ETFRF1: variants seen among roughly 807,000 people sequenced by gnomAD.
The protein encoded by ETFRF1 is LYR motif containing 5.
In ETFRF1, 12 loss-of-function variants were observed where a neutral mutation model predicts 9.0. That is an observed-to-expected ratio of 1.34 (90% CI 0.86 to 2.16). The LOEUF (loss-of-function observed/expected upper bound fraction) is 2.16. Among genes scored for constraint, ETFRF1 ranks in the 30% most tolerant of loss-of-function variants. ETFRF1 has a pLI of 0.00. For synonymous variants in ETFRF1, 34 were observed against 33.2 expected (o/e 1.02, Z -0.08); for missense variants, 98 against 101.8 (o/e 0.96, Z 0.16).
Position 25,195,355 on chromosome 12 carries a change from C to T in ETFRF1, c.-38+18C>T, listed in dbSNP as rs867729339. 2 of 592,842 alleles carry T rather than the reference C, an allele frequency of 3.4e-6. No homozygotes were observed. The highest frequency in any genetic ancestry group is 2.0e-5 in the South Asian group (1 of 50,162). 36.7% of individuals were successfully genotyped at this position (592,842 alleles called of 1,614,324 possible). A position where few individuals can be genotyped will look rare whatever the true frequency, so the allele number is the denominator to read the frequency against. ...GCCGGAAAGTGCGTGAGTGCCGCCGCCGGGGAGTTTTGTTCCATTTCCCGG... is the reference window on the plus strand; with the variant it reads ...GCCGGAAAGTGCGTGAGTGCCGCCGTCGGGGAGTTTTGTTCCATTTCCCGG... On this transcript the variant is annotated intron_variant, in intron 1 of 2. Transcript: ENST00000381356.
chr12:25,204,007 TGTAA>T lies in ETFRF1; in HGVS notation c.51+5_51+8del, dbSNP rs1258066303. ...GAGAAGTACTAAAACTTTATAAAAATGTAAGTAATTATGTTGCCAATTTTATAAA... is the reference window on the plus strand; with the variant it reads ...GAGAAGTACTAAAACTTTATAAAAATGTAATTATGTTGCCAATTTTATAAA... On this transcript the variant is annotated splice_donor_variant and splice_donor_region_variant and intron_variant, in intron 2 of 2. Coordinates refer to ENST00000381356, the MANE Select transcript of ETFRF1 (RefSeq NM_001001660.3). LOFTEE classifies it high-confidence loss of function. 1 of 1,509,184 alleles carries T rather than the reference TGTAA, an allele frequency of 6.6e-7. No individual in the cohort carries two copies. Among genetic ancestry groups the T allele is most frequent in the Non-Finnish European group, 8.9e-7 (1 of 1,129,326 alleles). 93.5% of individuals were successfully genotyped at this position (1,509,184 alleles called of 1,614,324 possible). A position where few individuals can be genotyped will look rare whatever the true frequency, so the allele number is the denominator to read the frequency against.
intron 1 of ETFRF1, chr12:25,195,868 TCA>T (rs1332450725): frequency 6.6e-6 from 1 of 152,210 alleles, no homozygotes; most frequent in Admixed American, 6.5e-5. Context: ...CTTTAGAATT[TCA>T]GTCTCCTCCC....
chr12:25,195,307 C>T lies in ETFRF1; in HGVS notation c.-68C>T, dbSNP rs1433224697. ...AGACGGACAGAGGAGTCGTAGCGGT[C>T]GAGGCTTTTGCGGCTCCGGCGTGCC... On this transcript the variant is annotated 5_prime_UTR_variant, in exon 1 of 3. Coordinates refer to ENST00000381356, the MANE Select transcript of ETFRF1 (RefSeq NM_001001660.3). 2 of 607,768 alleles carry T rather than the reference C, an allele frequency of 3.3e-6. No individual in the cohort carries two copies. Among genetic ancestry groups the T allele is most frequent in the Non-Finnish European group, 2.9e-6 (1 of 342,178 alleles). The allele number at this position is 607,768 out of a possible 1,614,324, so 37.6% of individuals were successfully genotyped here.
chr12:25,197,506 G>T (rs12814233), intron 1 of ETFRF1, among the ~76,000 whole-genome samples: 65,357 of 152,020 alleles, frequency 0.43, 14,647 homozygotes, highest in South Asian at 0.56. Flanking sequence ...AATGAATTTT[G>T]CCCAGGTTGG....
In ETFRF1 at chr12:25,204,887, C is replaced by G. The variant is rs950320491; in HGVS notation, c.*575C>G. On this transcript the variant is annotated 3_prime_UTR_variant, in exon 3 of 3. Transcript: ENST00000381356. ...CCTGCTGGTGACTGGCATTAACATA[C>G]ATAACTAACTATTCAATTATTTCCA... The G allele has an allele frequency of 1.0e-5, 2 of 199,538 alleles. No individual in the cohort carries two copies. The highest frequency in any genetic ancestry group is 4.6e-5 in the African/African-American group (2 of 43,484). 12.4% of individuals were successfully genotyped at this position (199,538 alleles called of 1,614,324 possible).
chr12:25,200,545 T>G lies in ETFRF1; in HGVS notation c.-37-3375T>G, dbSNP rs74073344. ...CATACAGAGGATCACTTACCAGGAC[T>G]GCTTTGAACTTAATAGCAATGGTAA... On this transcript the variant is annotated intron_variant, in intron 1 of 2. Coordinates refer to ENST00000381356, the MANE Select transcript of ETFRF1 (RefSeq NM_001001660.3). 3.5e-3 allele frequency among the ~76,000 whole-genome samples: 534 copies of G among 152,310 alleles called. 8 individuals carry two copies. The highest frequency in any genetic ancestry group is 0.012 in the African/African-American group (515 of 41,562).
chr12:25,200,339 A>T (rs1336287591), intron 1 of ETFRF1, among the ~76,000 whole-genome samples: 1 of 152,232 alleles, frequency 6.6e-6, no homozygotes, highest in Admixed American at 6.5e-5. Context: ...GGAAATCATG[A>T]ATGAAATCAT....
At chr12:25,197,294 A>G (rs1379593286) in intron 1 of ETFRF1, among the ~76,000 whole-genome samples, 1 of 152,250 alleles carries the variant, frequency 6.6e-6, no homozygotes, top group Non-Finnish European at 1.5e-5. Flanking sequence ...CAACAACTAA[A>G]AAGGACAACT....
chr12:25,196,892 C>T (rs1017416323), intron 1 of ETFRF1, among the ~76,000 whole-genome samples: 2 of 152,158 alleles, frequency 1.3e-5, no homozygotes, highest in Admixed American at 1.3e-4. Context: ...TGGTGGCTCA[C>T]GCCTGTAATC....
chr12:25,198,629 C>T (rs1039946036), intron 1 of ETFRF1, among the ~76,000 whole-genome samples: 6 of 152,000 alleles, frequency 3.9e-5, no homozygotes, highest in Non-Finnish European at 7.4e-5. Flanking sequence ...CAGAAAATTT[C>T]AAGAAAGCAA....
rs1254920496 is a variant in ETFRF1 at position 25,195,237 on chromosome 12, A to G, written c.-138A>G. On this transcript the variant is annotated 5_prime_UTR_variant, in exon 1 of 3. Transcript: ENST00000381356. ...TTCCGGCCGGCGCCCCGCCCCCTTT[A>G]CTGACAGGTTGCCCACCTCCCCCAA... 19 of 764,996 alleles carry G rather than the reference A, an allele frequency of 2.5e-5. No individual in the cohort carries two copies. The South Asian group carries it at 2.7e-4, about 11-fold the overall frequency. The allele number at this position is 764,996 out of a possible 1,614,324, so 47.4% of individuals were successfully genotyped here.
intron 2 of ETFRF1, 34 bp from the exon 3 acceptor site, chr12:25,204,057 A>ATTGT: frequency 1.9e-5 from 29 of 1,546,354 alleles, no homozygotes; most frequent in Non-Finnish European, 2.4e-5. Flanking sequence ...TATGACATGG[A>ATTGT]TTGTTTAGAA....
intron 1 of ETFRF1, among the ~76,000 whole-genome samples, chr12:25,196,376 G>A (rs1434995215): frequency 1.3e-5 from 2 of 152,184 alleles, no homozygotes; most frequent in African/African-American, 4.8e-5. Flanking sequence ...CTCAAGTTAG[G>A]ATTCATCGGG....
rs762640879 is a variant in ETFRF1 at position 25,203,977 on chromosome 12, A to C, written c.21A>C (p.Leu7Phe). 2 of 1,484,214 alleles carry C rather than the reference A, an allele frequency of 1.3e-6. No homozygotes were observed. Among genetic ancestry groups the C allele is most frequent in the Non-Finnish European group, 1.8e-6 (2 of 1,116,686 alleles). 91.9% of individuals were successfully genotyped at this position (1,484,214 alleles called of 1,614,324 possible). A position where few individuals can be genotyped will look rare whatever the true frequency, so the allele number is the denominator to read the frequency against. ...GATAAATGAAAATGGCCAATTCTTT[A>C]AGAGGAGAAGTACTAAAACTTTATA... MKMANSLRGEVLKLYKN... is the reference protein window; with the variant it reads MKMANSFRGEVLKLYKN... Residue 7 changes from leucine (L) to phenylalanine (F), a missense_variant, in exon 2 of 3, where the codon TTA (leucine) becomes TTC (phenylalanine). Transcript: ENST00000381356.
intron 1 of ETFRF1, among the ~76,000 whole-genome samples, chr12:25,201,611 T>C (rs745662220): frequency 1.3e-5 from 2 of 152,188 alleles, no homozygotes; most frequent in Non-Finnish European, 2.9e-5. Flanking sequence ...AATTTGTACA[T>C]TCATATTTTA....
chr12:25,198,974 T>G (rs1488080110), intron 1 of ETFRF1, among the ~76,000 whole-genome samples: 1 of 152,180 alleles, frequency 6.6e-6, no homozygotes, highest in East Asian at 1.9e-4. Flanking sequence ...ATTGGCAGCC[T>G]TGTGGTTTAG....
At chr12:25,196,530 C>T (rs1951012196) in intron 1 of ETFRF1, among the ~76,000 whole-genome samples, 1 of 152,174 alleles carries the variant, frequency 6.6e-6, no homozygotes, top group Admixed American at 6.5e-5. Flanking sequence ...AGTAAAATGA[C>T]AATTTTCCAT....
chr12:25,201,768 A>G (rs374927890), intron 1 of ETFRF1, among the ~76,000 whole-genome samples: 6 of 152,144 alleles, frequency 3.9e-5, no homozygotes, highest in Admixed American at 3.3e-4. Flanking sequence ...AATCTACACT[A>G]TTGTACTTCG....
Position 25,195,264 on chromosome 12 carries a change from G to A in ETFRF1, c.-111G>A, listed in dbSNP as rs1565870564. On this transcript the variant is annotated 5_prime_UTR_variant, in exon 1 of 3. Transcript: ENST00000381356. The stretch of plus-strand genomic sequence containing the variant: ...TGACAGGTTGCCCACCTCCCCCAAC[G>A]CCACCCCGCTTCGCAGTAGACGGAC... 7 of 660,080 alleles carry A rather than the reference G, an allele frequency of 1.1e-5. No homozygotes were observed. Among genetic ancestry groups the A allele is most frequent in the South Asian group, 6.8e-5 (4 of 58,620 alleles). 40.9% of individuals were successfully genotyped at this position (660,080 alleles called of 1,614,324 possible).
Sources: allele counts gnomAD v4.1 joint callset (sites outside exome capture counted in the v4.1 genomes callset), GRCh38; gene constraint gnomAD v4.1.1; transcripts MANE v1.5; gene names NCBI Gene and HGNC (gene_info 2026-07-23, HGNC 2026-07-21).